TNIK: variants seen among roughly 807,000 people sequenced by gnomAD.
The protein encoded by TNIK is TRAF2 and NCK interacting kinase, also known as TRAF2 and NCK-interacting protein kinase.
In TNIK, 49 loss-of-function variants were observed where a neutral mutation model predicts 191.3. The observed-to-expected ratio is 0.26, with a 90% CI of 0.20 to 0.32. TNIK has a LOEUF of 0.32. TNIK is among the 10% of genes least tolerant of loss of function. TNIK has a pLI of 1.00. For synonymous variants in TNIK, 594 were observed against 600.9 expected, an observed-to-expected ratio of 0.99 and a Z score of 0.17; for missense variants, 1,155 against 1,702.3, an observed-to-expected ratio of 0.68 and a Z score of 5.66.
At chr3:171,323,595 T>C (rs892193283) in intron 2 of TNIK, among the ~76,000 whole-genome samples, 5 of 152,174 alleles carry the variant, frequency 3.3e-5, no homozygotes, top group South Asian at 4.1e-4. Context: ...AATATGTTCA[T>C]TACAATTTCG....
chr3:171,383,528 A>G (rs1718338957), intron 1 of TNIK, among the ~76,000 whole-genome samples: 1 of 152,184 alleles, frequency 6.6e-6, no homozygotes. Context: ...TTCAGACCAG[A>G]ATTGCATTTT....
intron 14 of TNIK, among the ~76,000 whole-genome samples, chr3:171,139,077 T>C (rs1249077694): frequency 1.3e-5 from 2 of 152,168 alleles, no homozygotes; most frequent in African/African-American, 4.8e-5. Flanking sequence ...TGGGTTCTTA[T>C]GGGAGAGGTG....
intron 21 of TNIK, among the ~76,000 whole-genome samples, chr3:171,104,719 C>G (rs982082044): frequency 6.6e-6 from 1 of 151,418 alleles, no homozygotes; most frequent in Admixed American, 6.6e-5. Flanking sequence ...TTTTTTTTCT[C>G]TTTGTATTAA....
At chr3:171,440,468 T>G (rs1726645874) in intron 1 of TNIK, among the ~76,000 whole-genome samples, 1 of 152,170 alleles carries the variant, frequency 6.6e-6, no homozygotes, top group Admixed American at 6.5e-5. Flanking sequence ...TCCCCAACTT[T>G]GTGGGAACAA....
intron 2 of TNIK, among the ~76,000 whole-genome samples, chr3:171,283,229 A>T (rs1048747107): frequency 9.2e-5 from 14 of 151,382 alleles, no homozygotes; most frequent in African/African-American, 2.9e-4. Flanking sequence ...TCGTGTCTGG[A>T]GAGAAGGAAC....
At chr3:171,074,603 TTAAAATCATCTTGAAAA>T (rs1719653809) in intron 28 of TNIK, among the ~76,000 whole-genome samples, 1 of 152,192 alleles carries the variant, frequency 6.6e-6, no homozygotes, top group Non-Finnish European at 1.5e-5. Flanking sequence ...TTAAAGAAAT[TTAAAATCATCTTGAAAA>T]TAAAAACTTA....
At chr3:171,380,452 C>T (rs559439762) in intron 1 of TNIK, among the ~76,000 whole-genome samples, 4 of 152,230 alleles carry the variant, frequency 2.6e-5, no homozygotes, top group East Asian at 1.9e-4. Flanking sequence ...AGAGCCTTAA[C>T]GGGACCATTC....
upstream of TNIK, chr3:171,460,408 T>G (rs1338583599): frequency 2.7e-6 from 1 of 374,776 alleles, no homozygotes; most frequent in Non-Finnish European, 4.9e-6. The surrounding 1 kb of genome is among the most constrained non-coding windows in gnomAD (Gnocchi z 6.8). Flanking sequence ...GCTGTTATAA[T>G]GAGACACATC....
chr3:171,063,904 T>C lies in TNIK; in HGVS notation c.4060A>G (p.Arg1354Gly). The change falls in exon 33 of 33, where the codon AGA (arginine) becomes GGA (glycine). Residue 1354 changes from arginine (R) to glycine (G), a missense_variant. Arg to Gly is a moderately radical substitution (Grantham distance 125). Transcript: ENST00000436636. ...TGTTACCAGTTCATCATGGAATTTC[T>C]GTTGAGGGTCATGAAAAACACTTGG... The part of the protein sequence containing the change: ...SSQVFFMTLN[R>G]NSMMNW 6.2e-7 allele frequency: 1 copy of C among 1,613,810 alleles called. No individual in the cohort carries two copies. The highest frequency in any genetic ancestry group is 1.1e-5 in the South Asian group (1 of 91,068).
chr3:171,167,294 C>A, intron 9 of TNIK, 24 bp from the exon 10 acceptor site: 1 of 1,606,718 alleles, frequency 6.2e-7, no homozygotes, highest in Non-Finnish European at 8.5e-7. Context: ...GAAATGAATC[C>A]ACAGATAAAA....
At chr3:171,417,474 C>T (rs113821014) in intron 1 of TNIK, among the ~76,000 whole-genome samples, 3 of 152,170 alleles carry the variant, frequency 2.0e-5, no homozygotes, top group East Asian at 1.9e-4. Context: ...TTTATAGTTA[C>T]TTATTTCTTT....
At chr3:171,106,504 G>A (rs1464073152) in intron 21 of TNIK, among the ~76,000 whole-genome samples, 1 of 152,084 alleles carries the variant, frequency 6.6e-6, no homozygotes, top group Non-Finnish European at 1.5e-5. Flanking sequence ...CATGCATTTA[G>A]GACTCTTTGC....
Position 171,084,456 on chromosome 3 carries a change from CCTT to C in TNIK, c.2999-134_2999-132del, listed in dbSNP as rs1011672186. 18 of 1,052,910 alleles carry C rather than the reference CCTT, an allele frequency of 1.7e-5. No homozygotes were observed. The African/African-American group carries it at 2.9e-4, about 17-fold the overall frequency. The allele number at this position is 1,052,910 out of a possible 1,614,324, so 65.2% of individuals were successfully genotyped here. A position where few individuals can be genotyped will look rare whatever the true frequency, so the allele number is the denominator to read the frequency against. ...AAAGGCAAGGAAACTCTGAAACTCT[CCTT>C]ATTTTACACTTTTTTTTTGTTTTAG... On this transcript the variant is annotated intron_variant, in intron 25 of 32. Transcript: ENST00000436636.
chr3:171,438,464 C>T (rs1424425804), intron 1 of TNIK, among the ~76,000 whole-genome samples: 1 of 152,236 alleles, frequency 6.6e-6, no homozygotes, highest in Non-Finnish European at 1.5e-5. Flanking sequence ...AACACGATGA[C>T]TCCCAGAAGA....
chr3:171,430,590 G>C (rs1237919093), intron 1 of TNIK, among the ~76,000 whole-genome samples: 1 of 143,948 alleles, frequency 6.9e-6, no homozygotes, highest in Non-Finnish European at 1.5e-5. Context: ...AGTGAACTAA[G>C]ATTGTGCCAC....
intron 2 of TNIK, among the ~76,000 whole-genome samples, chr3:171,282,499 G>A (rs769040073): frequency 3.9e-5 from 6 of 151,934 alleles, no homozygotes; most frequent in Admixed American, 2.0e-4. Context: ...CTGACACCAC[G>A]CCCAGCTAAT....
At chr3:171,290,727 A>C (rs528802153) in intron 2 of TNIK, among the ~76,000 whole-genome samples, 1 of 152,328 alleles carries the variant, frequency 6.6e-6, no homozygotes, top group African/African-American at 2.4e-5. Context: ...CCAAATCCTC[A>C]TCACCATAAT....
At chr3:171,238,144 G>C (rs543069962) in intron 2 of TNIK, among the ~76,000 whole-genome samples, 1 of 152,128 alleles carries the variant, frequency 6.6e-6, no homozygotes, top group African/African-American at 2.4e-5. Flanking sequence ...CTCTGGGAAG[G>C]AGGGTGAGAG....
chr3:171,386,624 C>T (rs1718772879), intron 1 of TNIK, among the ~76,000 whole-genome samples: 1 of 152,178 alleles, frequency 6.6e-6, no homozygotes, highest in African/African-American at 2.4e-5. Flanking sequence ...TATTTCACCT[C>T]TACTCATTCA....
Sources: gnomAD v4.1 joint callset for allele counts (sites outside exome capture counted in the v4.1 genomes callset) on GRCh38, gnomAD v4.1.1 for gene constraint, Gnocchi (gnomAD v3.1) non-coding constraint, MANE v1.5 for transcripts, NCBI Gene and HGNC (gene_info 2026-07-23, HGNC 2026-07-21) for gene names.